Variants in STARD13 observed in about 807,000 individuals in gnomAD.
STARD13 encodes stAR-related lipid transfer protein 13.
Under a neutral mutation model 106.4 loss-of-function variants are expected in STARD13, and 62 were observed. That is an observed-to-expected ratio of 0.58 (90% CI 0.48 to 0.72). STARD13 has a LOEUF of 0.72. Ranked by LOEUF, STARD13 falls within the 30% of genes least tolerant of loss-of-function variation. The pLI, the probability that STARD13 is intolerant of heterozygous loss-of-function variation, is 0.00. For missense variants in STARD13, 1,387 were observed against 1,424.0 expected (o/e 0.97, Z 0.42); for synonymous variants, 565 against 553.0 (o/e 1.02, Z -0.31).
the STARD13 span, among the ~76,000 whole-genome samples, chr13:33,506,015 C>T: frequency 1.3e-5 from 2 of 152,094 alleles, no homozygotes; most frequent in Non-Finnish European, 1.5e-5. Flanking sequence ...TGTCACAGCA[C>T]AAGTCAAAGC....
the STARD13 span, among the ~76,000 whole-genome samples, chr13:33,474,933 A>C: frequency 6.6e-6 from 1 of 152,224 alleles, no homozygotes; most frequent in Non-Finnish European, 1.5e-5. Context: ...ATTTACAAGG[A>C]AGTAACTTGA....
At chr13:33,295,309 G>C (rs1272569470) in intron 1 of STARD13, among the ~76,000 whole-genome samples, 1 of 152,126 alleles carries the variant, frequency 6.6e-6, no homozygotes, top group Admixed American at 6.5e-5. Context: ...TATCCCTCTA[G>C]AGGTCTAGAT....
At chr13:33,528,261 T>TATATATATATATATATATATAC in the STARD13 span, among the ~76,000 whole-genome samples, 27 of 128,268 alleles carry the variant, frequency 2.1e-4, no homozygotes, top group South Asian at 2.3e-3. Context: ...TATATACATA[T>TATATATATATATATATATATAC]ATATATATAT....
intron 1 of STARD13, among the ~76,000 whole-genome samples, chr13:33,209,527 T>A (rs554432979): frequency 6.6e-6 from 1 of 151,906 alleles, no homozygotes. Context: ...TAGGTGTAAG[T>A]GCAGTGAAAG....
At chr13:33,502,633 T>C in the STARD13 span, among the ~76,000 whole-genome samples, 2 of 152,236 alleles carry the variant, frequency 1.3e-5, no homozygotes, top group Non-Finnish European at 2.9e-5. Flanking sequence ...TCTGCATCTA[T>C]TGAGATAATC....
chr13:33,554,316 A>C, the STARD13 span, among the ~76,000 whole-genome samples: 1 of 152,186 alleles, frequency 6.6e-6, no homozygotes, highest in Non-Finnish European at 1.5e-5. Context: ...TGTTGAAGGC[A>C]GTGATGGTGG....
the STARD13 span, among the ~76,000 whole-genome samples, chr13:33,375,680 A>G: frequency 3.7e-4 from 57 of 152,264 alleles, 2 homozygotes; most frequent in South Asian, 9.5e-3. Context: ...AGAACTCACT[A>G]TCATGAAAAC....
chr13:33,231,355 C>G (rs1433568199), intron 1 of STARD13, among the ~76,000 whole-genome samples: 1 of 152,172 alleles, frequency 6.6e-6, no homozygotes, highest in Non-Finnish European at 1.5e-5. Context: ...GAGGCTCAGG[C>G]CTGGCACATG....
the STARD13 span, among the ~76,000 whole-genome samples, chr13:33,506,929 T>C: frequency 2.8e-4 from 43 of 152,180 alleles, 1 homozygote; most frequent in South Asian, 8.3e-3. Context: ...CTGTGCAACA[T>C]AGTGAGACCC....
At chr13:33,185,753 T>A in intron 1 of STARD13, 1 of 865,632 alleles carries the variant, frequency 1.2e-6, no homozygotes, top group Non-Finnish European at 1.8e-6. Flanking sequence ...CCAGCTCTAG[T>A]TTTATCTTTC....
the STARD13 span, among the ~76,000 whole-genome samples, chr13:33,370,211 C>T: frequency 7.2e-5 from 11 of 152,248 alleles, no homozygotes; most frequent in African/African-American, 2.6e-4. Flanking sequence ...TCACTGGGAG[C>T]TTTTTAAACT....
Position 33,247,220 on chromosome 13 carries a change from T to TTAAA in STARD13, c.169+38246_169+38249dup, listed in dbSNP as rs138495021. Among the ~76,000 whole-genome samples, 163 of 150,204 alleles carry TTAAA rather than the reference T, an allele frequency of 1.1e-3. 2 individuals carry two copies. The highest frequency in any genetic ancestry group is 6.9e-3 in the Admixed American group (104 of 15,102). On this transcript the variant is annotated intron_variant, in intron 1 of 13. Transcript: ENST00000336934. The stretch of plus-strand genomic sequence containing the variant: ...TCGGATAAATAAATAAATAAATAAA[T>TTAAA]TAAATAAATAAATAAATAAATAAAA...
chr13:33,335,503 A>C (rs1211938259), intron 1 of STARD13, among the ~76,000 whole-genome samples: 1 of 152,240 alleles, frequency 6.6e-6, no homozygotes, highest in Non-Finnish European at 1.5e-5. Context: ...CTCATAAGTC[A>C]TGAGAGTCAT....
the STARD13 span, among the ~76,000 whole-genome samples, chr13:33,375,663 T>C: frequency 6.6e-6 from 1 of 152,084 alleles, no homozygotes; most frequent in African/African-American, 2.4e-5. Flanking sequence ...AACCATCAGA[T>C]TTCGTGAGAA....
chr13:33,563,285 A>G, the STARD13 span, among the ~76,000 whole-genome samples: 47 of 147,252 alleles, frequency 3.2e-4, 6 homozygotes, highest in African/African-American at 1.1e-3. Flanking sequence ...ATTCTGAGCA[A>G]AAGAACAATG....
chr13:33,448,749 G>A, the STARD13 span, among the ~76,000 whole-genome samples: 304 of 152,022 alleles, frequency 2.0e-3, no homozygotes, highest in Non-Finnish European at 3.6e-3. Flanking sequence ...CCTTTTCTCC[G>A]CGTCTTCACC....
chr13:33,242,522 G>A (rs1470242769), intron 1 of STARD13, among the ~76,000 whole-genome samples: 1 of 152,168 alleles, frequency 6.6e-6, no homozygotes, highest in African/African-American at 2.4e-5. Flanking sequence ...GGTGCAAGAC[G>A]TGCTTTGTTA....
At chr13:33,327,379 T>G (rs191863656) in intron 1 of STARD13, among the ~76,000 whole-genome samples, 1 of 152,200 alleles carries the variant, frequency 6.6e-6, no homozygotes, top group Non-Finnish European at 1.5e-5. Context: ...TACTTTTTTT[T>G]AAAATTTTTA....
At chr13:33,599,431 CT>C in the STARD13 span, among the ~76,000 whole-genome samples, 1 of 152,148 alleles carries the variant, frequency 6.6e-6, no homozygotes, top group African/African-American at 2.4e-5. Flanking sequence ...TTTCTCAGCT[CT>C]CAGTTTCATC....
Sources: allele counts gnomAD v4.1 joint callset (sites outside exome capture counted in the v4.1 genomes callset), GRCh38; gene constraint gnomAD v4.1.1; transcripts MANE v1.5; gene names NCBI Gene and HGNC (gene_info 2026-07-23, HGNC 2026-07-21).